CD247: variants seen among roughly 807,000 people sequenced by gnomAD.
The protein encoded by CD247 is CD247 molecule.
CD247 carries 13 observed loss-of-function variants against 30.0 expected under a neutral mutation model. That is an observed-to-expected ratio of 0.43 (90% CI 0.28 to 0.69). The LOEUF is 0.69. Ranked by LOEUF, CD247 falls within the 30% of genes least tolerant of loss-of-function variation. The probability of loss-of-function intolerance (pLI) is 0.16; values close to 1 mark genes in which losing one functional copy is unlikely to be tolerated. For synonymous variants in CD247, 72 were observed against 80.0 expected (o/e 0.90, Z 0.53); for missense variants, 193 against 212.6 (o/e 0.91, Z 0.57).
intron 1 of CD247, among the ~76,000 whole-genome samples, chr1:167,476,685 G>A (rs917373465): frequency 1.3e-5 from 2 of 152,100 alleles, no homozygotes; most frequent in African/African-American, 4.8e-5. Context: ...TTAGCCAGGC[G>A]TGGTGGCACA....
At chr1:167,463,670 AG>A (rs1230804895) in intron 1 of CD247, among the ~76,000 whole-genome samples, 3 of 152,190 alleles carry the variant, frequency 2.0e-5, no homozygotes, top group Non-Finnish European at 4.4e-5. Context: ...TATTTTGTGG[AG>A]GAAAATCAAC....
chr1:167,444,411 C>T (rs1651976246), intron 1 of CD247, among the ~76,000 whole-genome samples: 1 of 152,126 alleles, frequency 6.6e-6, no homozygotes, highest in African/African-American at 2.4e-5. Context: ...CCAGCAGCTG[C>T]TTCCTAGGAG....
chr1:167,509,722 G>A (rs1235768038), intron 1 of CD247, among the ~76,000 whole-genome samples: 6 of 152,154 alleles, frequency 3.9e-5, no homozygotes, highest in Non-Finnish European at 7.4e-5. Flanking sequence ...TTTTCCACCT[G>A]CTTGTGTCAC....
chr1:167,442,791 T>A (rs1378912236), intron 1 of CD247, among the ~76,000 whole-genome samples: 2 of 152,094 alleles, frequency 1.3e-5, no homozygotes, highest in Non-Finnish European at 2.9e-5. Context: ...GGACCCCTCT[T>A]GCCCCCAGGC....
intron 1 of CD247, chr1:167,458,770 T>C (rs1015277174): frequency 7.0e-6 from 1 of 142,796 alleles, no homozygotes; most frequent in Non-Finnish European, 1.5e-5. Context: ...CAATCTTGGC[T>C]CACTGAACCT....
chr1:167,481,871 C>T (rs1022771970), intron 1 of CD247, among the ~76,000 whole-genome samples: 1 of 152,164 alleles, frequency 6.6e-6, no homozygotes, highest in Non-Finnish European at 1.5e-5. Flanking sequence ...AGGCCCAGGG[C>T]AGGCAGCGAT....
intron 1 of CD247, among the ~76,000 whole-genome samples, chr1:167,471,850 T>TTTTTA (rs1653544047): frequency 7.1e-6 from 1 of 140,728 alleles, no homozygotes; most frequent in Admixed American, 7.0e-5. Context: ...TTTTTTTTTT[T>TTTTTA]GAGACTGAGT....
chr1:167,454,326 C>T (rs936896210), intron 1 of CD247, among the ~76,000 whole-genome samples: 14 of 152,194 alleles, frequency 9.2e-5, no homozygotes, highest in African/African-American at 3.4e-4. Context: ...TATTTTCCAC[C>T]TTACACCTTT....
chr1:167,509,369 C>CAAAAAAA (rs35004744), intron 1 of CD247, among the ~76,000 whole-genome samples: 3 of 63,816 alleles, frequency 4.7e-5, no homozygotes, highest in African/African-American at 1.7e-4. Flanking sequence ...AACTCTGTCT[C>CAAAAAAA]AAAAAAAAAA....
chr1:167,462,700 A>G (rs1194552175), intron 1 of CD247, among the ~76,000 whole-genome samples: 1 of 152,156 alleles, frequency 6.6e-6, no homozygotes, highest in African/African-American at 2.4e-5. Flanking sequence ...CAATGTCCAA[A>G]GAATGGGACC....
chr1:167,438,375 T>G (rs747739548), intron 4 of CD247, among the ~76,000 whole-genome samples, 195 bp downstream of exon 4: 1 of 152,038 alleles, frequency 6.6e-6, no homozygotes, highest in African/African-American at 2.4e-5. Flanking sequence ...TGAGGCCCCT[T>G]GAGATGCAGA....
chr1:167,513,404 T>C (rs1316648736), intron 1 of CD247, among the ~76,000 whole-genome samples: 2 of 152,174 alleles, frequency 1.3e-5, no homozygotes, highest in Non-Finnish European at 2.9e-5. Flanking sequence ...GGTAGGAATT[T>C]TGAAAAAAAT....
At chr1:167,442,123 A>T (rs946745268) in intron 1 of CD247, among the ~76,000 whole-genome samples, 1 of 152,216 alleles carries the variant, frequency 6.6e-6, no homozygotes, top group Non-Finnish European at 1.5e-5. Context: ...AAAAAAATTT[A>T]AAAAGTTAGT....
rs527415481 is a variant in CD247, at chr1:167,448,558, T to C, written c.59-7791A>G. The C allele has an allele frequency of 1.6e-5, 16 of 984,222 alleles. No homozygotes were observed. The South Asian group carries it at 5.6e-4, about 35-fold the overall frequency. 61.0% of individuals were successfully genotyped at this position (984,222 alleles called of 1,614,324 possible). ...CAGGACTCACACTGCCCAGTGCTTA[T>C]AGCAATGACCCACTGGAGATACCTC... On this transcript the variant is annotated intron_variant, in intron 1 of 7. Coordinates refer to ENST00000362089, the MANE Select transcript of CD247 (RefSeq NM_198053.3).
At chr1:167,487,206 A>G (rs1367698289) in intron 1 of CD247, among the ~76,000 whole-genome samples, 9 of 143,370 alleles carry the variant, frequency 6.3e-5, no homozygotes, top group East Asian at 2.1e-4. Context: ...GTGCAACCCC[A>G]TCTCTACTAA....
At chr1:167,456,250 C>T (rs1385751523) in intron 1 of CD247, among the ~76,000 whole-genome samples, 1 of 152,086 alleles carries the variant, frequency 6.6e-6, no homozygotes, top group African/African-American at 2.4e-5. Flanking sequence ...TCCGAGAATA[C>T]ATGCCGGCAC....
At chr1:167,477,212 C>G (rs1312306651) in intron 1 of CD247, among the ~76,000 whole-genome samples, 1 of 152,214 alleles carries the variant, frequency 6.6e-6, no homozygotes, top group African/African-American at 2.4e-5. Context: ...ACTCTCCCTC[C>G]TCTATCAGGA....
intron 4 of CD247, 135 bp downstream of exon 4, chr1:167,438,435 C>A (rs1651648173): frequency 1.3e-6 from 1 of 777,826 alleles, no homozygotes; most frequent in African/African-American, 1.7e-5. Flanking sequence ...GGGTCTCCAT[C>A]TCTTCTCTTG....
intron 1 of CD247, among the ~76,000 whole-genome samples, chr1:167,509,673 T>C (rs1461932469): frequency 6.6e-6 from 1 of 152,144 alleles, no homozygotes; most frequent in African/African-American, 2.4e-5. Context: ...AGGGAACTAT[T>C]TCTGTTGGGT....
Sources: allele counts gnomAD v4.1 joint callset (sites outside exome capture counted in the v4.1 genomes callset), GRCh38; gene constraint gnomAD v4.1.1; transcripts MANE v1.5; gene names NCBI Gene and HGNC (gene_info 2026-07-23, HGNC 2026-07-21).